Variants in PIGK observed in about 807,000 individuals in gnomAD.
PIGK encodes the protein phosphatidylinositol glycan anchor biosynthesis class K.
In PIGK, 42 loss-of-function variants were observed where a neutral mutation model predicts 50.6. The ratio of observed to expected loss-of-function variants is 0.83; its 90% CI spans 0.65 to 1.07. PIGK has a LOEUF of 1.07. Among genes scored for constraint, PIGK ranks in the 50% least tolerant of loss-of-function variants. The pLI, the probability that PIGK is intolerant of heterozygous loss-of-function variation, is 0.00. For missense variants in PIGK, 448 were observed against 488.7 expected (o/e 0.92, Z 0.78); for synonymous variants, 151 against 156.0 (o/e 0.97, Z 0.24).
chr1:77,130,161 T>C (rs1654335272), intron 9 of PIGK, among the ~76,000 whole-genome samples: 1 of 150,866 alleles, frequency 6.6e-6, no homozygotes, highest in Admixed American at 6.6e-5. Flanking sequence ...CCACACTTTT[T>C]CTTCTCTTTT....
At chr1:77,122,716 C>A (rs1012540191) in intron 9 of PIGK, among the ~76,000 whole-genome samples, 1 of 152,172 alleles carries the variant, frequency 6.6e-6, no homozygotes, top group Non-Finnish European at 1.5e-5. Context: ...AGCCTCATCT[C>A]CAGCAACCCT....
chr1:77,177,025 G>C (rs1287048903), intron 3 of PIGK, among the ~76,000 whole-genome samples: 2 of 152,206 alleles, frequency 1.3e-5, no homozygotes, highest in East Asian at 3.8e-4. Context: ...TTGGTTACCT[G>C]ACGGTAACCA....
At chr1:77,177,609 G>C (rs890207335) in intron 3 of PIGK, among the ~76,000 whole-genome samples, 2 of 151,978 alleles carry the variant, frequency 1.3e-5, no homozygotes, top group African/African-American at 4.8e-5. Context: ...ATCTCTGTTC[G>C]AGGCTCTCAG....
At chr1:77,152,718 G>A (rs1654920358) in intron 9 of PIGK, among the ~76,000 whole-genome samples, 1 of 151,436 alleles carries the variant, frequency 6.6e-6, no homozygotes, top group African/African-American at 2.4e-5. Context: ...TTATAAAATG[G>A]GCAAATCATC....
rs1274221665 is a variant in PIGK, at chr1:77,091,667, G to A, written c.*707C>T. ...CTGACAACAAACATATAAGGTCCTG[G>A]AGATTGTCAGTGCCATAGATTAAAA... On this transcript the variant is annotated 3_prime_UTR_variant, in exon 11 of 11. Transcript: ENST00000370812. The A allele has an allele frequency of 6.6e-6, 1 of 152,130 alleles. No individual in the cohort carries two copies. The highest frequency in any genetic ancestry group is 1.9e-4 in the East Asian group (1 of 5,190). The allele number at this position is 152,130 out of a possible 1,614,324, so 9.4% of individuals were successfully genotyped here.
intron 4 of PIGK, among the ~76,000 whole-genome samples, chr1:77,168,903 A>G (rs536311112): frequency 1.3e-5 from 2 of 152,170 alleles, no homozygotes; most frequent in East Asian, 3.9e-4. Context: ...TTTTTCCACA[A>G]TTAATACAAT....
chr1:77,217,901 T>C (rs552649302), intron 1 of PIGK, among the ~76,000 whole-genome samples: 3 of 152,132 alleles, frequency 2.0e-5, no homozygotes, highest in Non-Finnish European at 4.4e-5. Flanking sequence ...ATTATGTAAC[T>C]ACAAAAAACA....
In PIGK at chr1:77,099,083, C is replaced by T. The variant is rs148302989; in HGVS notation, c.1072-6593G>A. On this transcript the variant is annotated intron_variant, in intron 10 of 10. Coordinates refer to ENST00000370812, the MANE Select transcript of PIGK (RefSeq NM_005482.3). Reference sequence around the variant, plus strand: ...CTCACAAAGGTTTTCTTCTCAGTGGCTACATAATAAAAAACAGGAAGGAAT... The same window carrying T: ...CTCACAAAGGTTTTCTTCTCAGTGGTTACATAATAAAAAACAGGAAGGAAT... Among the ~76,000 whole-genome samples the T allele has an allele frequency of 3.8e-3, 571 of 151,828 alleles. 5 individuals carry two copies. Among genetic ancestry groups the T allele is most frequent in the African/African-American group, 0.013 (542 of 41,432 alleles).
intron 1 of PIGK, among the ~76,000 whole-genome samples, chr1:77,213,068 G>A (rs2100589833): frequency 6.6e-6 from 1 of 152,294 alleles, no homozygotes; most frequent in Non-Finnish European, 1.5e-5. Flanking sequence ...GGGACTACAG[G>A]TGTGCATCAC....
intron 3 of PIGK, among the ~76,000 whole-genome samples, chr1:77,175,005 T>C (rs988840901): frequency 6.6e-6 from 1 of 152,194 alleles, no homozygotes; most frequent in African/African-American, 2.4e-5. Flanking sequence ...TGAAGAAAAA[T>C]AGGACCTTAA....
chr1:77,152,296 T>C (rs1282685903), intron 9 of PIGK, among the ~76,000 whole-genome samples: 1 of 152,014 alleles, frequency 6.6e-6, no homozygotes, highest in East Asian at 1.9e-4. Flanking sequence ...TGGATATCCA[T>C]ATGCAGAAGA....
At chr1:77,149,301 A>G (rs1414032250) in intron 9 of PIGK, among the ~76,000 whole-genome samples, 1 of 152,168 alleles carries the variant, frequency 6.6e-6, no homozygotes, top group East Asian at 1.9e-4. Flanking sequence ...ATCATAATTA[A>G]AAGACATGAC....
rs534552479 is a variant in PIGK, at chr1:77,218,399, T to C, written c.93+911A>G. Reference sequence around the variant, plus strand: ...ACAGCCTGAATTAAGTCAGTGGAACTGGAGAGGTGAGGGCAATTTTAAGAA... The same window carrying C: ...ACAGCCTGAATTAAGTCAGTGGAACCGGAGAGGTGAGGGCAATTTTAAGAA... On this transcript the variant is annotated intron_variant, in intron 1 of 10. Coordinates refer to ENST00000370812, the MANE Select transcript of PIGK (RefSeq NM_005482.3). Among the ~76,000 whole-genome samples the C allele has an allele frequency of 6.6e-5, 10 of 152,286 alleles. No individual in the cohort carries two copies. The East Asian group carries it at 1.5e-3, about 24-fold the overall frequency.
intron 5 of PIGK, among the ~76,000 whole-genome samples, chr1:77,166,410 G>C (rs1655233290): frequency 6.6e-6 from 1 of 152,202 alleles, no homozygotes; most frequent in Middle Eastern, 3.4e-3. Context: ...ATTTCTATTA[G>C]ACACTTTCAC....
chr1:77,161,114 G>A (rs1655117868), intron 8 of PIGK, among the ~76,000 whole-genome samples, 181 bp downstream of exon 8: 1 of 152,164 alleles, frequency 6.6e-6, no homozygotes, highest in African/African-American at 2.4e-5. Flanking sequence ...AAAACATCAG[G>A]CCTCTTGTAG....
chr1:77,180,125 T>C (rs1655578030), intron 3 of PIGK, among the ~76,000 whole-genome samples: 1 of 152,050 alleles, frequency 6.6e-6, no homozygotes, highest in Non-Finnish European at 1.5e-5. Flanking sequence ...TCCCAAAATA[T>C]CCCCAATAGA....
chr1:77,162,636 G>T (rs552172048), intron 6 of PIGK, among the ~76,000 whole-genome samples: 1 of 152,268 alleles, frequency 6.6e-6, no homozygotes, highest in East Asian at 1.9e-4. Context: ...GCTGGCAAAA[G>T]TTAAAGTAGA....
At chr1:77,111,852 A>C (rs1346053268) in intron 10 of PIGK, among the ~76,000 whole-genome samples, 1 of 152,134 alleles carries the variant, frequency 6.6e-6, no homozygotes, top group African/African-American at 2.4e-5. Flanking sequence ...AACTAGAAAC[A>C]CCTTAGTAAA....
At chr1:77,154,853 G>T (rs570540614) in intron 8 of PIGK, among the ~76,000 whole-genome samples, 5 of 152,200 alleles carry the variant, frequency 3.3e-5, no homozygotes, top group African/African-American at 1.2e-4. Flanking sequence ...GGCCACTGTG[G>T]GAAAAGGCAT....
Sources: allele counts gnomAD v4.1 joint callset (sites outside exome capture counted in the v4.1 genomes callset), GRCh38; gene constraint gnomAD v4.1.1; transcripts MANE v1.5; gene names NCBI Gene and HGNC (gene_info 2026-07-23, HGNC 2026-07-21).